Variants in TTC27 observed in about 807,000 individuals in gnomAD.
TTC27 encodes the protein tetratricopeptide repeat protein 27.
TTC27 carries 79 observed loss-of-function variants against 115.9 expected under a neutral mutation model. That is an observed-to-expected ratio of 0.68 (90% CI 0.57 to 0.82). The LOEUF (loss-of-function observed/expected upper bound fraction) is 0.82, where lower values mean the gene tolerates loss of function less well. TTC27 is among the 40% of genes least tolerant of loss of function. The pLI, the probability that TTC27 is intolerant of heterozygous loss-of-function variation, is 0.00. For missense variants in TTC27, 1,054 were observed against 993.1 expected (o/e 1.06, Z -0.82); for synonymous variants, 401 against 356.0 (o/e 1.13, Z -1.42).
intron 14 of TTC27, among the ~76,000 whole-genome samples, chr2:32,781,015 A>C (rs1670157874): frequency 6.6e-6 from 1 of 152,166 alleles, no homozygotes; most frequent in Admixed American, 6.5e-5. Flanking sequence ...TAAAAGGAGA[A>C]ATGTTACATA....
chr2:32,789,698 T>C (rs1246254624), intron 16 of TTC27, among the ~76,000 whole-genome samples: 1 of 151,662 alleles, frequency 6.6e-6, no homozygotes, highest in African/African-American at 2.4e-5. Flanking sequence ...GGCGGGAAAA[T>C]TACTTGAGCC....
chr2:32,713,636 T>C (rs1439323932), intron 10 of TTC27, among the ~76,000 whole-genome samples: 2 of 152,250 alleles, frequency 1.3e-5, no homozygotes, highest in Admixed American at 6.5e-5. Context: ...TTGCATTGAA[T>C]TGGAAATTTG....
intron 16 of TTC27, among the ~76,000 whole-genome samples, chr2:32,800,014 A>G (rs1670865752): frequency 6.6e-6 from 1 of 152,366 alleles, no homozygotes; most frequent in Admixed American, 6.5e-5. Context: ...CGCCTTGGGC[A>G]GGTTACTTAA....
At chr2:32,693,996 C>T (rs978281838) in intron 9 of TTC27, among the ~76,000 whole-genome samples, 2 of 152,086 alleles carry the variant, frequency 1.3e-5, no homozygotes, top group Admixed American at 6.5e-5. Flanking sequence ...GTATCGAGAA[C>T]AAATAAAATT....
chr2:32,721,281 G>A (rs1358927415), intron 10 of TTC27, among the ~76,000 whole-genome samples: 2 of 152,104 alleles, frequency 1.3e-5, no homozygotes, highest in East Asian at 3.9e-4. Flanking sequence ...TCATTTAGTT[G>A]TAAGGGACAG....
chr2:32,777,860 C>A, intron 13 of TTC27, 22 bp from the exon 14 acceptor site: 1 of 1,611,402 alleles, frequency 6.2e-7, no homozygotes, highest in East Asian at 2.2e-5. Context: ...GTTTGAATGA[C>A]TTTGACTTTT....
Position 32,797,089 on chromosome 2 carries a change from G to A in TTC27, c.1998+9940G>A, listed in dbSNP as rs939640104. Among the ~76,000 whole-genome samples the A allele has an allele frequency of 2.7e-5, 4 of 149,314 alleles. No individual in the cohort carries two copies. The East Asian group carries it at 7.9e-4, about 30-fold the overall frequency. ...TTGAGGAGGCTGAGGCAGGAGAATC[G>A]CTTGAACCTGGGAGGCAGAGGTTGC... On this transcript the variant is annotated intron_variant, in intron 16 of 19. Coordinates refer to ENST00000317907, the MANE Select transcript of TTC27 (RefSeq NM_017735.5).
chr2:32,670,082 T>C (rs540419700), intron 7 of TTC27, among the ~76,000 whole-genome samples: 17 of 152,042 alleles, frequency 1.1e-4, no homozygotes, highest in Non-Finnish European at 2.4e-4. Flanking sequence ...TTCACCATGC[T>C]GGCCAGGCTG....
chr2:32,728,037 CTTT>C (rs564322443), intron 10 of TTC27, among the ~76,000 whole-genome samples: 8 of 105,336 alleles, frequency 7.6e-5, no homozygotes, highest in Non-Finnish European at 9.8e-5. Flanking sequence ...AGGACTGCCT[CTTT>C]TTTTTTTTTT....
At chr2:32,761,488 C>T (rs192187050) in intron 13 of TTC27, among the ~76,000 whole-genome samples, 156 of 152,260 alleles carry the variant, frequency 1.0e-3, no homozygotes, top group Non-Finnish European at 1.7e-3. Flanking sequence ...CTTAATGGCT[C>T]TCAAGACTTT....
chr2:32,656,755 T>C (rs1572482749), intron 5 of TTC27, among the ~76,000 whole-genome samples: 1 of 152,334 alleles, frequency 6.6e-6, no homozygotes, highest in East Asian at 1.9e-4. Flanking sequence ...TCTACCCATC[T>C]TTTAAGGCCC....
intron 16 of TTC27, among the ~76,000 whole-genome samples, chr2:32,805,419 A>G (rs1228756834): frequency 1.3e-5 from 2 of 152,156 alleles, no homozygotes; most frequent in African/African-American, 4.8e-5. Context: ...TAACCATGAG[A>G]AAGTTTGTTT....
At chr2:32,638,486 C>A (rs1296413683) in intron 3 of TTC27, among the ~76,000 whole-genome samples, 2 of 152,176 alleles carry the variant, frequency 1.3e-5, no homozygotes, top group African/African-American at 4.8e-5. Context: ...TCAAGCGATT[C>A]TCCTGCTTCA....
Position 32,751,303 on chromosome 2 carries a change from T to C in TTC27, c.1453-6989T>C, listed in dbSNP as rs368483802. On this transcript the variant is annotated intron_variant, in intron 12 of 19. Transcript: ENST00000317907. Reference sequence around the variant, plus strand: ...ACACACACACACACACACACACACATGCACACACATATACACAAGTTTTTG... The same window carrying C: ...ACACACACACACACACACACACACACGCACACACATATACACAAGTTTTTG... Among the ~76,000 whole-genome samples the C allele has an allele frequency of 9.3e-3, 878 of 94,104 alleles. 3 individuals carry two copies. The highest frequency in any genetic ancestry group is 0.018 in the Middle Eastern group (3 of 168). The allele number at this position is 94,104 out of a possible 152,430, so 61.7% of individuals were successfully genotyped here. A position where few individuals can be genotyped will look rare whatever the true frequency, so the allele number is the denominator to read the frequency against.
At chr2:32,672,232 T>G in intron 7 of TTC27, 40 bp from the exon 8 acceptor site, 1 of 1,476,662 alleles carries the variant, frequency 6.8e-7, no homozygotes, top group Admixed American at 1.7e-5. Context: ...TGAATAAAAT[T>G]TAATTTTTGG....
intron 5 of TTC27, among the ~76,000 whole-genome samples, chr2:32,650,667 T>G (rs1384438809): frequency 6.6e-6 from 1 of 152,124 alleles, no homozygotes; most frequent in Non-Finnish European, 1.5e-5. Flanking sequence ...TAAGAAATTA[T>G]CCTATATCCT....
At chr2:32,721,337 T>C (rs188346411) in intron 10 of TTC27, among the ~76,000 whole-genome samples, 3 of 152,272 alleles carry the variant, frequency 2.0e-5, no homozygotes, top group South Asian at 2.1e-4. Context: ...AATTGGCTAT[T>C]ATAACTGAGA....
intron 10 of TTC27, among the ~76,000 whole-genome samples, chr2:32,705,824 G>A (rs888096947): frequency 2.6e-5 from 4 of 152,140 alleles, no homozygotes; most frequent in Admixed American, 1.3e-4. Flanking sequence ...AAAGTGCTTG[G>A]ATTATAGGCG....
At chr2:32,663,423 G>T (rs1665628308) in intron 5 of TTC27, among the ~76,000 whole-genome samples, 1 of 152,166 alleles carries the variant, frequency 6.6e-6, no homozygotes, top group Non-Finnish European at 1.5e-5. Context: ...GGCTAGGAGA[G>T]AGAGTTCCAC....
Sources: gnomAD v4.1 joint callset for allele counts (sites outside exome capture counted in the v4.1 genomes callset) on GRCh38, gnomAD v4.1.1 for gene constraint, MANE v1.5 for transcripts, NCBI Gene and HGNC (gene_info 2026-07-23, HGNC 2026-07-21) for gene names.